Variants in RGS6 observed in about 807,000 individuals in gnomAD.
The protein encoded by RGS6 is regulator of G-protein signaling 6.
RGS6 carries 30 observed loss-of-function variants against 78.5 expected under a neutral mutation model. The ratio of observed to expected loss-of-function variants is 0.38; its 90% CI spans 0.29 to 0.52. The LOEUF (loss-of-function observed/expected upper bound fraction) is 0.52, where lower values mean the gene tolerates loss of function less well. RGS6 is among the 20% of genes least tolerant of loss of function. The pLI is 0.85. For synonymous variants in RGS6, 206 were observed against 206.0 expected, an observed-to-expected ratio of 1.00 and a Z score of 0.00; for missense variants, 495 against 609.7, an observed-to-expected ratio of 0.81 and a Z score of 1.98.
At chr14:71,874,876 C>T in the RGS6 span, among the ~76,000 whole-genome samples, 1,279 of 152,214 alleles carry the variant, frequency 8.4e-3, 13 homozygotes, top group Middle Eastern at 0.024. Flanking sequence ...TTGTTGAAGG[C>T]CTTTTACGCA....
At chr14:72,164,763 C>T (rs570723538) in intron 2 of RGS6, among the ~76,000 whole-genome samples, 6 of 152,136 alleles carry the variant, frequency 3.9e-5, no homozygotes, top group Non-Finnish European at 5.9e-5. Flanking sequence ...ATGGTGATAA[C>T]GCTTAACTAG....
At chr14:71,973,389 T>C (rs1260873230) in intron 2 of RGS6, among the ~76,000 whole-genome samples, 3 of 151,810 alleles carry the variant, frequency 2.0e-5, no homozygotes, top group African/African-American at 7.3e-5. Flanking sequence ...TTTTTAACAT[T>C]AAATAAAATT....
chr14:71,912,477 T>C, the RGS6 span, among the ~76,000 whole-genome samples: 1 of 152,058 alleles, frequency 6.6e-6, no homozygotes, highest in Non-Finnish European at 1.5e-5. Flanking sequence ...GTCACTAGGG[T>C]GGGGAGAGTC....
intron 12 of RGS6, among the ~76,000 whole-genome samples, chr14:72,481,362 G>A (rs1448606692): frequency 1.3e-5 from 2 of 152,136 alleles, no homozygotes; most frequent in Admixed American, 6.5e-5. Context: ...GCTTAAAGGA[G>A]CAAACAAAGG....
At chr14:72,357,939 T>C in intron 3 of RGS6, among the ~76,000 whole-genome samples, 1 of 152,190 alleles carries the variant, frequency 6.6e-6, no homozygotes, top group South Asian at 2.1e-4. Context: ...TGTTTATTTT[T>C]CCTCTTAGGT....
chr14:72,046,896 C>A (rs1286037496), intron 2 of RGS6, among the ~76,000 whole-genome samples: 3 of 152,174 alleles, frequency 2.0e-5, no homozygotes, highest in Non-Finnish European at 2.9e-5. Flanking sequence ...GAAAAACTCA[C>A]AGCCTTCCAG....
At chr14:72,357,745 C>T (rs564203025) in intron 3 of RGS6, among the ~76,000 whole-genome samples, 7 of 152,168 alleles carry the variant, frequency 4.6e-5, no homozygotes, top group East Asian at 3.9e-4. Flanking sequence ...TGCAGCCTGA[C>T]GAACCAGTAG....
At chr14:72,153,935 G>A (rs1426892251) in intron 2 of RGS6, among the ~76,000 whole-genome samples, 2 of 152,134 alleles carry the variant, frequency 1.3e-5, no homozygotes, top group African/African-American at 4.8e-5. Flanking sequence ...ATTTACCAGG[G>A]TGGAGTTTCC....
At chr14:72,539,822 C>G (rs980025675) in intron 16 of RGS6, among the ~76,000 whole-genome samples, 2 of 152,214 alleles carry the variant, frequency 1.3e-5, no homozygotes, top group African/African-American at 4.8e-5. Context: ...GCTCCCTGCT[C>G]CAAGGAGGCG....
intron 3 of RGS6, among the ~76,000 whole-genome samples, chr14:72,371,145 A>G (rs2083432591): frequency 6.6e-6 from 1 of 152,154 alleles, no homozygotes; most frequent in Non-Finnish European, 1.5e-5. Flanking sequence ...ATGTAACTTC[A>G]CTGTAACATG....
chr14:72,312,171 G>A (rs1010123985), intron 2 of RGS6, among the ~76,000 whole-genome samples: 8 of 151,592 alleles, frequency 5.3e-5, no homozygotes, highest in Admixed American at 2.0e-4. Flanking sequence ...TCTGGTGTTC[G>A]GTATTAAAGC....
At chr14:72,236,611 G>A (rs145933778) in intron 2 of RGS6, among the ~76,000 whole-genome samples, 240 of 152,354 alleles carry the variant, frequency 1.6e-3, no homozygotes, top group African/African-American at 5.3e-3. Context: ...ACACAAGGCT[G>A]TCACTTCACA....
chr14:72,148,540 T>A (rs2096639391), intron 2 of RGS6, among the ~76,000 whole-genome samples: 1 of 152,164 alleles, frequency 6.6e-6, no homozygotes, highest in Admixed American at 6.5e-5. Flanking sequence ...TCATCCAGGG[T>A]GCTATTGTTC....
chr14:72,608,768 C>T, the RGS6 span, among the ~76,000 whole-genome samples: 6 of 152,294 alleles, frequency 3.9e-5, no homozygotes, highest in South Asian at 2.1e-4. Context: ...CTATGTATGA[C>T]GTGGCCAGAA....
At chr14:72,217,823 T>G (rs1176003356) in intron 2 of RGS6, among the ~76,000 whole-genome samples, 1 of 152,204 alleles carries the variant, frequency 6.6e-6, no homozygotes, top group Non-Finnish European at 1.5e-5. Context: ...ATTTGGAGAT[T>G]TACTTTTCTC....
intron 2 of RGS6, among the ~76,000 whole-genome samples, chr14:72,111,948 T>C (rs546500468): frequency 4.6e-5 from 7 of 152,230 alleles, no homozygotes; most frequent in Non-Finnish European, 1.0e-4. Context: ...TAGGTTGCTC[T>C]CTACTGCCAA....
upstream of RGS6, among the ~76,000 whole-genome samples, chr14:71,928,980 T>A (rs535181949): frequency 1.2e-4 from 18 of 152,360 alleles, no homozygotes; most frequent in East Asian, 1.2e-3. Context: ...GTATGTTTTT[T>A]AACCTTTCAT....
chr14:72,060,371 C>CTTT (rs34086688), intron 2 of RGS6, among the ~76,000 whole-genome samples: 1,576 of 136,920 alleles, frequency 0.012, 36 homozygotes, highest in Middle Eastern at 0.038. Flanking sequence ...CCCCTCCCAC[C>CTTT]TTTTTTTTTT....
intron 14 of RGS6, among the ~76,000 whole-genome samples, chr14:72,510,519 T>A (rs2096865899): frequency 6.6e-6 from 1 of 152,260 alleles, no homozygotes; most frequent in Non-Finnish European, 1.5e-5. Flanking sequence ...TTTGTGCGAC[T>A]AATTGGAAAT....
Sources: allele counts gnomAD v4.1 joint callset (sites outside exome capture counted in the v4.1 genomes callset), GRCh38; gene constraint gnomAD v4.1.1; transcripts MANE v1.5; gene names NCBI Gene and HGNC (gene_info 2026-07-23, HGNC 2026-07-21).